The following PIK3C3 variants were observed in gnomAD, a reference collection of about 807,000 sequenced individuals.
PIK3C3 encodes the protein phosphatidylinositol 3-kinase catalytic subunit type 3.
PIK3C3 carries 95 observed loss-of-function variants against 126.1 expected under a neutral mutation model. That is an observed-to-expected ratio of 0.75 (90% CI 0.64 to 0.89). The LOEUF is 0.89. PIK3C3 is among the 40% of genes least tolerant of loss of function. PIK3C3 has a pLI of 0.00. For synonymous variants in PIK3C3, 374 were observed against 360.0 expected, an observed-to-expected ratio of 1.04 and a Z score of -0.44; for missense variants, 829 against 1,063.2, an observed-to-expected ratio of 0.78 and a Z score of 3.06.
intron 21 of PIK3C3, among the ~76,000 whole-genome samples, chr18:42,056,209 G>A (rs1241354473): frequency 6.6e-6 from 1 of 151,830 alleles, no homozygotes; most frequent in Non-Finnish European, 1.5e-5. Flanking sequence ...ACATTAATAG[G>A]CTCTTTTGAA....
At chr18:42,032,456 A>G (rs558938274) in intron 15 of PIK3C3, among the ~76,000 whole-genome samples, 5 of 152,216 alleles carry the variant, frequency 3.3e-5, no homozygotes, top group African/African-American at 1.2e-4. Flanking sequence ...GTTACTTTTG[A>G]TAAGAAACTG....
chr18:42,060,573 C>A (rs1438793789), intron 22 of PIK3C3, among the ~76,000 whole-genome samples: 1 of 151,992 alleles, frequency 6.6e-6, no homozygotes, highest in Non-Finnish European at 1.5e-5. Flanking sequence ...GAGTTTGAGA[C>A]CAGCCTGGCC....
chr18:41,982,173 A>T (rs1008026998), intron 4 of PIK3C3, among the ~76,000 whole-genome samples: 6 of 152,224 alleles, frequency 3.9e-5, no homozygotes, highest in Non-Finnish European at 8.8e-5. Context: ...CATTAGAGTC[A>T]AAAGAGTTAA....
intron 20 of PIK3C3, among the ~76,000 whole-genome samples, chr18:42,044,144 G>C (rs1036556479): frequency 1.3e-5 from 2 of 152,118 alleles, no homozygotes; most frequent in Non-Finnish European, 2.9e-5. Context: ...CATGGGAAAA[G>C]TTTCAATCAG....
In PIK3C3 at chr18:42,029,562, T is replaced by G. The variant is rs538083066; in HGVS notation, c.1707+121T>G. The G allele has an allele frequency of 2.0e-4, 95 of 485,914 alleles. No individual in the cohort carries two copies. The African/African-American group carries it at 2.0e-3, about 10-fold the overall frequency. 30.1% of individuals were successfully genotyped at this position (485,914 alleles called of 1,614,324 possible). ...TTTTTTTTTTTTTTTTTTTTTTTTTTGACAATGTCTCACTCTGTCGCCCAG... is the reference window on the plus strand; with the variant it reads ...TTTTTTTTTTTTTTTTTTTTTTTTTGGACAATGTCTCACTCTGTCGCCCAG... On this transcript the variant is annotated intron_variant, in intron 15 of 24. Coordinates refer to ENST00000262039, the MANE Select transcript of PIK3C3 (RefSeq NM_002647.4).
chr18:42,072,429 T>C (rs947729188), intron 24 of PIK3C3, among the ~76,000 whole-genome samples: 4 of 152,190 alleles, frequency 2.6e-5, no homozygotes, highest in Non-Finnish European at 5.9e-5. Context: ...CACTGCAATA[T>C]TTGTTTCCTA....
chr18:42,056,107 T>G (rs1238182908), intron 21 of PIK3C3, among the ~76,000 whole-genome samples: 1 of 152,102 alleles, frequency 6.6e-6, no homozygotes, highest in African/African-American at 2.4e-5. Context: ...TTATGTGTAT[T>G]TTTTGAACCT....
intron 24 of PIK3C3, among the ~76,000 whole-genome samples, chr18:42,075,135 A>C (rs1460698571): frequency 6.6e-6 from 1 of 152,178 alleles, no homozygotes. Flanking sequence ...TTATGGATGC[A>C]AAATTGTGAC....
intron 24 of PIK3C3, among the ~76,000 whole-genome samples, chr18:42,079,062 T>G (rs1042049454): frequency 3.3e-5 from 5 of 152,228 alleles, no homozygotes; most frequent in African/African-American, 1.2e-4. Flanking sequence ...CAAGAACATT[T>G]CTTTGCATTT....
intron 23 of PIK3C3, among the ~76,000 whole-genome samples, chr18:42,066,182 C>T (rs565352751): frequency 6.6e-6 from 1 of 152,264 alleles, no homozygotes; most frequent in Admixed American, 6.5e-5. Context: ...GTTCCTCCAC[C>T]AAATTGTTCT....
chr18:41,976,540 T>C (rs1219567494), intron 4 of PIK3C3, among the ~76,000 whole-genome samples: 1 of 152,168 alleles, frequency 6.6e-6, no homozygotes, highest in Non-Finnish European at 1.5e-5. Flanking sequence ...GATCATGGCT[T>C]TAGAGACCAT....
intron 10 of PIK3C3, among the ~76,000 whole-genome samples, 174 bp downstream of exon 10, chr18:42,004,715 A>G (rs1467110904): frequency 6.6e-6 from 1 of 152,190 alleles, no homozygotes; most frequent in Non-Finnish European, 1.5e-5. Flanking sequence ...AAATTAAAAT[A>G]TGCCTCAGAG....
rs1270923294 is a variant in PIK3C3, at chr18:42,015,568, T to G, written c.1416+2T>G. On this transcript the variant is annotated splice_donor_variant, in intron 12 of 24. Transcript: ENST00000262039. LOFTEE classifies it high-confidence loss of function. ...GTTCCAGATGGCGAAAATCTGGAAG[T>G]GAGTACAAAGCTTTTCCAGCTTCCT... 1.2e-6 allele frequency: 2 copies of G among 1,609,692 alleles called. No homozygotes were observed. Among genetic ancestry groups the G allele is most frequent in the Non-Finnish European group, 1.7e-6 (2 of 1,176,214 alleles).
chr18:41,977,419 C>T (rs948584160), intron 4 of PIK3C3, among the ~76,000 whole-genome samples: 4 of 151,760 alleles, frequency 2.6e-5, no homozygotes, highest in African/African-American at 9.7e-5. Context: ...AGTAAGTATA[C>T]AAGAGACGTA....
intron 24 of PIK3C3, among the ~76,000 whole-genome samples, chr18:42,073,259 C>G (rs627099): frequency 0.33 from 50,063 of 152,048 alleles, 9,019 homozygotes; most frequent in African/African-American, 0.47. Flanking sequence ...GAAAAGCACA[C>G]GTCTAGGCAG....
chr18:41,957,345 G>A (rs1008213669), intron 1 of PIK3C3, among the ~76,000 whole-genome samples: 3 of 152,100 alleles, frequency 2.0e-5, no homozygotes, highest in African/African-American at 7.2e-5. Context: ...CTGATATTAG[G>A]TATGTTAGGA....
At chr18:42,067,054 T>C (rs541072981) in intron 23 of PIK3C3, among the ~76,000 whole-genome samples, 2 of 152,268 alleles carry the variant, frequency 1.3e-5, no homozygotes, top group East Asian at 1.9e-4. Flanking sequence ...ATAGTAACTC[T>C]AGATTTTAGA....
intron 24 of PIK3C3, among the ~76,000 whole-genome samples, chr18:42,076,181 C>T (rs562004757): frequency 4.6e-4 from 45 of 97,886 alleles, no homozygotes; most frequent in Non-Finnish European, 7.0e-4. Flanking sequence ...TATATATGCA[C>T]ATATATATAT....
rs200678341 is a variant in PIK3C3 at position 41,955,263 on chromosome 18, C to T, written c.-29C>T. ...TGTTTTTCCTGTACCTAAGTTCCCGCTGTAGGTGGTACCTTTGCAGACGGT... is the reference window on the plus strand; with the variant it reads ...TGTTTTTCCTGTACCTAAGTTCCCGTTGTAGGTGGTACCTTTGCAGACGGT... On this transcript the variant is annotated 5_prime_UTR_variant, in exon 1 of 25. Coordinates refer to ENST00000262039, the MANE Select transcript of PIK3C3 (RefSeq NM_002647.4). 4 of 1,596,846 alleles carry T rather than the reference C, an allele frequency of 2.5e-6. No individual in the cohort carries two copies. Among genetic ancestry groups the T allele is most frequent in the African/African-American group, 2.7e-5 (2 of 74,424 alleles).
Sources: allele counts gnomAD v4.1 joint callset (sites outside exome capture counted in the v4.1 genomes callset), GRCh38; gene constraint gnomAD v4.1.1; transcripts MANE v1.5; gene names NCBI Gene and HGNC (gene_info 2026-07-23, HGNC 2026-07-21).